The following UTRN variants were observed in gnomAD, a reference collection of about 807,000 sequenced individuals.
UTRN encodes dystrophin-related protein 1.
UTRN carries 283 observed loss-of-function variants against 463.9 expected under a neutral mutation model. That is an observed-to-expected ratio of 0.61 (90% CI 0.55 to 0.67). The LOEUF is 0.67. UTRN is among the 30% of genes least tolerant of loss of function. The pLI is 0.00. For missense variants in UTRN, 3,922 were observed against 4,084.3 expected (o/e 0.96, Z 1.08); for synonymous variants, 1,442 against 1,431.5 (o/e 1.01, Z -0.17).
Position 144,514,765 on chromosome 6 carries a change from TAGCTG to T in UTRN, c.5196_5200del (p.Leu1733Ter), listed in dbSNP as rs1562510781. The T allele has an allele frequency of 4.3e-6, 7 of 1,614,218 alleles. No homozygotes were observed. Among genetic ancestry groups the T allele is most frequent in the Non-Finnish European group, 5.9e-6 (7 of 1,180,030 alleles). Reference sequence around the variant, plus strand: ...AGCAGGGAGCTTGTAGAACCAAAGTTAGCTGAGCTGAATAGGAACTTTGAAAAGGT... The same window carrying T: ...AGCAGGGAGCTTGTAGAACCAAAGTTAGCTGAATAGGAACTTTGAAAAGGT... On this transcript the variant is annotated frameshift_variant, in exon 37 of 75. Coordinates refer to ENST00000367545, the MANE Select transcript of UTRN (RefSeq NM_007124.3). LOFTEE classifies it high-confidence loss of function.
chr6:144,532,977 G>T, intron 42 of UTRN, 108 bp from the exon 43 acceptor site: 1 of 540,706 alleles, frequency 1.8e-6, no homozygotes. Flanking sequence ...CTTTCCAGGA[G>T]TTTGTTTCTT....
chr6:144,292,028 T>C, intron 2 of UTRN, 121 bp downstream of exon 2: 1 of 931,642 alleles, frequency 1.1e-6, no homozygotes, highest in Non-Finnish European at 1.5e-6. Context: ...TTTAAGAAAC[T>C]GAATTCTGAC....
chr6:144,420,021 G>A (rs7774376), intron 3 of UTRN, among the ~76,000 whole-genome samples: 11,884 of 151,728 alleles, frequency 0.078, 971 homozygotes, highest in African/African-American at 0.2. Context: ...AAGGAATCAC[G>A]AGGGAAGGAA....
chr6:144,778,913 A>T (rs1040526095), intron 60 of UTRN, among the ~76,000 whole-genome samples: 1 of 152,204 alleles, frequency 6.6e-6, no homozygotes, highest in Non-Finnish European at 1.5e-5. Context: ...ATTTAAATGT[A>T]GTCAGTTCTT....
At chr6:144,421,817 G>GTATA in intron 3 of UTRN, 61 bp from the exon 4 acceptor site, 1 of 1,345,644 alleles carries the variant, frequency 7.4e-7, no homozygotes, top group East Asian at 2.5e-5. Context: ...ATTTGCCCAG[G>GTATA]TATATATGGA....
chr6:144,614,764 A>C (rs1805898350), intron 51 of UTRN, among the ~76,000 whole-genome samples: 1 of 152,138 alleles, frequency 6.6e-6, no homozygotes, highest in African/African-American at 2.4e-5. Flanking sequence ...TGGATGAATA[A>C]ATTCTTTCTT....
intron 58 of UTRN, among the ~76,000 whole-genome samples, chr6:144,762,821 T>C (rs1213250689): frequency 6.6e-6 from 1 of 152,246 alleles, no homozygotes; most frequent in Non-Finnish European, 1.5e-5. Flanking sequence ...GAAACACAGA[T>C]GGTTCTCTAT....
At position 144,493,511 on chromosome 6, in the gene UTRN, A is replaced by ATC. The variant is rs144902799; in HGVS notation, c.4593+70_4593+71dup. The stretch of plus-strand genomic sequence containing the variant: ...TCTGTCTCTCTCTCTCTCTCTCTCA[A>ATC]TCTCTCTCTCTCTCTCGTTCTCTCT... On this transcript the variant is annotated intron_variant, in intron 33 of 74. Transcript: ENST00000367545. 1.6e-4 allele frequency: 226 copies of ATC among 1,383,730 alleles called. 1 individual carries two copies. The Middle Eastern group carries it at 2.9e-3, about 18-fold the overall frequency. The allele number at this position is 1,383,730 out of a possible 1,614,324, so 85.7% of individuals were successfully genotyped here. A position where few individuals can be genotyped will look rare whatever the true frequency, so the allele number is the denominator to read the frequency against.
intron 51 of UTRN, among the ~76,000 whole-genome samples, chr6:144,612,050 AAAACCCACAAAT>A (rs1427788003): frequency 6.6e-6 from 1 of 152,170 alleles, no homozygotes; most frequent in Non-Finnish European, 1.5e-5. Flanking sequence ...AACAAGATAG[AAAACCCACAAAT>A]AAACCCACAC....
intron 50 of UTRN, among the ~76,000 whole-genome samples, chr6:144,557,953 A>G (rs1158413677): frequency 1.3e-5 from 2 of 152,206 alleles, no homozygotes; most frequent in Non-Finnish European, 2.9e-5. Flanking sequence ...AAGACTGCAT[A>G]TTTATATTCA....
intron 58 of UTRN, among the ~76,000 whole-genome samples, chr6:144,769,976 A>G (rs1793818576): frequency 6.6e-6 from 1 of 152,198 alleles, no homozygotes; most frequent in African/African-American, 2.4e-5. Context: ...TTTAGGTCAA[A>G]CAACTTCAGT....
At chr6:144,688,771 G>C (rs1186873715) in intron 52 of UTRN, among the ~76,000 whole-genome samples, 1 of 152,164 alleles carries the variant, frequency 6.6e-6, no homozygotes. Context: ...TCTCTTGAAG[G>C]TTATCTCATT....
intron 51 of UTRN, among the ~76,000 whole-genome samples, chr6:144,655,932 A>T (rs1461235568): frequency 6.6e-6 from 1 of 152,238 alleles, no homozygotes; most frequent in East Asian, 1.9e-4. Flanking sequence ...CCATACCTAT[A>T]GCTCTCTTCA....
At chr6:144,499,193 T>G (rs1793952994) in intron 33 of UTRN, 64 bp from the exon 34 acceptor site, 2 of 1,514,828 alleles carry the variant, frequency 1.3e-6, no homozygotes, top group Non-Finnish European at 1.8e-6. Flanking sequence ...AACATTCTGA[T>G]TCATTCTCAT....
chr6:144,482,399 ATTATTATTGTTG>A lies in UTRN; in HGVS notation c.3687+20_3687+31del. On this transcript the variant is annotated intron_variant, in intron 27 of 74. Coordinates refer to ENST00000367545, the MANE Select transcript of UTRN (RefSeq NM_007124.3). ...TGCCACACGCTAGAGGTATGCTATT[ATTATTATTGTTG>A]TTATTATTATTATTATTATTATTAT... 7.5e-7 allele frequency: 1 copy of A among 1,329,824 alleles called. No homozygotes were observed. The highest frequency in any genetic ancestry group is 9.7e-7 in the Non-Finnish European group (1 of 1,028,946). The allele number at this position is 1,329,824 out of a possible 1,614,324, so 82.4% of individuals were successfully genotyped here.
chr6:144,749,233 A>C (rs1791105380), intron 55 of UTRN, among the ~76,000 whole-genome samples: 1 of 152,240 alleles, frequency 6.6e-6, no homozygotes, highest in Non-Finnish European at 1.5e-5. Flanking sequence ...GATGGTTTAA[A>C]GTATACCCCA....
intron 55 of UTRN, among the ~76,000 whole-genome samples, chr6:144,750,646 A>G (rs1791294080): frequency 1.3e-5 from 2 of 152,176 alleles, no homozygotes; most frequent in Admixed American, 6.6e-5. Context: ...ATTATTAACT[A>G]TAATTTTGTG....
chr6:144,454,199 G>T (rs1788598431), intron 19 of UTRN, among the ~76,000 whole-genome samples: 2 of 152,138 alleles, frequency 1.3e-5, no homozygotes, highest in African/African-American at 4.8e-5. Context: ...TGTTTGCAGG[G>T]TGGTAGCAAA....
chr6:144,414,721 T>C (rs1401029879), intron 3 of UTRN, among the ~76,000 whole-genome samples: 2 of 151,236 alleles, frequency 1.3e-5, no homozygotes, highest in Non-Finnish European at 3.0e-5. Flanking sequence ...TATCTTTTTT[T>C]TTTTTTTCGT....
Sources: allele counts gnomAD v4.1 joint callset (sites outside exome capture counted in the v4.1 genomes callset), GRCh38; gene constraint gnomAD v4.1.1; transcripts MANE v1.5; gene names NCBI Gene and HGNC (gene_info 2026-07-23, HGNC 2026-07-21).